Variants in DIP2B observed in about 807,000 individuals in gnomAD.
The protein encoded by DIP2B is DIP2 acetate--CoA ligase B (putative).
DIP2B carries 76 observed loss-of-function variants against 198.0 expected under a neutral mutation model. The ratio of observed to expected loss-of-function variants is 0.38; its 90% CI spans 0.32 to 0.46. The LOEUF (loss-of-function observed/expected upper bound fraction) is 0.46, where lower values mean the gene tolerates loss of function less well. Ranked by LOEUF, DIP2B falls within the 20% of genes least tolerant of loss-of-function variation. The pLI is 0.99. For missense variants in DIP2B, 1,559 were observed against 1,978.4 expected, an observed-to-expected ratio of 0.79 and a Z score of 4.02; for synonymous variants, 701 against 739.1, an observed-to-expected ratio of 0.95 and a Z score of 0.84.
intron 23 of DIP2B, among the ~76,000 whole-genome samples, chr12:50,715,921 G>A (rs188109815): frequency 6.2e-4 from 95 of 152,264 alleles, no homozygotes; most frequent in Non-Finnish European, 1.1e-3. Context: ...AAAATCAGAA[G>A]GCATATTTAC....
intron 3 of DIP2B, among the ~76,000 whole-genome samples, chr12:50,647,224 A>AT (rs2139494868): frequency 6.6e-6 from 1 of 151,932 alleles, no homozygotes; most frequent in South Asian, 2.1e-4. Flanking sequence ...TGATTTTTGT[A>AT]TTTTTTGTGG....
chr12:50,555,059 C>T (rs866023873), intron 1 of DIP2B, among the ~76,000 whole-genome samples: 2 of 152,108 alleles, frequency 1.3e-5, no homozygotes, highest in East Asian at 1.9e-4. Flanking sequence ...TGAGCCACCG[C>T]GCCTGGCTGA....
At chr12:50,711,703 G>A (rs182083755) in intron 22 of DIP2B, among the ~76,000 whole-genome samples, 1 of 151,992 alleles carries the variant, frequency 6.6e-6, no homozygotes, top group African/African-American at 2.4e-5. Context: ...CTGGGATTAC[G>A]GGCACTCGCC....
intron 1 of DIP2B, among the ~76,000 whole-genome samples, chr12:50,616,062 CTTTG>C (rs1937695555): frequency 6.6e-6 from 1 of 152,192 alleles, no homozygotes; most frequent in Non-Finnish European, 1.5e-5. Flanking sequence ...CAGTGTTTTA[CTTTG>C]TTGCTTTTTG....
At chr12:50,643,711 A>G (rs747639768) in intron 3 of DIP2B, among the ~76,000 whole-genome samples, 1 of 152,126 alleles carries the variant, frequency 6.6e-6, no homozygotes, top group Non-Finnish European at 1.5e-5. Flanking sequence ...TCTCCGAATA[A>G]GAAGAAATCA....
intron 20 of DIP2B, among the ~76,000 whole-genome samples, chr12:50,704,496 T>A (rs1939478763): frequency 2.0e-5 from 3 of 152,264 alleles, no homozygotes; most frequent in Admixed American, 2.0e-4. Context: ...TTTTAAGAAC[T>A]CTTTTCACTT....
intron 1 of DIP2B, among the ~76,000 whole-genome samples, chr12:50,529,293 A>G (rs1472624476): frequency 1.3e-5 from 2 of 152,190 alleles, no homozygotes; most frequent in East Asian, 1.9e-4. Context: ...CCCTGTCTCA[A>G]ACAAACAAAC....
At chr12:50,744,414 C>T (rs535633172) in intron 37 of DIP2B, among the ~76,000 whole-genome samples, 173 bp from the exon 38 acceptor site, 1 of 152,224 alleles carries the variant, frequency 6.6e-6, no homozygotes, top group South Asian at 2.1e-4. Flanking sequence ...TAATTTTTCC[C>T]TCAGTCTTAT....
At chr12:50,632,812 C>T (rs758403298) in intron 2 of DIP2B, among the ~76,000 whole-genome samples, 63 of 152,150 alleles carry the variant, frequency 4.1e-4, no homozygotes, top group Middle Eastern at 6.8e-3. Flanking sequence ...GCTGAGATTA[C>T]GCGTGAGCCA....
intron 1 of DIP2B, among the ~76,000 whole-genome samples, chr12:50,518,310 C>T (rs1444105675): frequency 6.6e-6 from 1 of 151,736 alleles, no homozygotes; most frequent in East Asian, 1.9e-4. Flanking sequence ...CTGCAAGCTC[C>T]GCCCCCTGGG....
chr12:50,645,105 A>G (rs1375070605), intron 3 of DIP2B, among the ~76,000 whole-genome samples: 1 of 152,240 alleles, frequency 6.6e-6, no homozygotes, highest in Admixed American at 6.5e-5. Flanking sequence ...TCAACTAAGT[A>G]AATTCCAAGG....
At chr12:50,724,998 T>C (rs1939905368) in intron 28 of DIP2B, 112 bp downstream of exon 28, 2 of 1,074,192 alleles carry the variant, frequency 1.9e-6, no homozygotes, top group Non-Finnish European at 2.8e-6. Context: ...TTCTGCCTGC[T>C]AAGACAGAGG....
chr12:50,534,864 C>G (rs963222302), intron 1 of DIP2B, among the ~76,000 whole-genome samples: 7 of 152,226 alleles, frequency 4.6e-5, no homozygotes, highest in Admixed American at 6.5e-5. Flanking sequence ...CTTCCTAGCT[C>G]TTAGTTCCTG....
At chr12:50,707,910 C>T (rs1165137757) in intron 21 of DIP2B, among the ~76,000 whole-genome samples, 2 of 152,174 alleles carry the variant, frequency 1.3e-5, no homozygotes, top group Non-Finnish European at 2.9e-5. Context: ...CCACTTTGCT[C>T]CAGGCACACT....
rs1938242133 is a variant in DIP2B, at chr12:50,640,789, T to G, written c.238T>G (p.Ser80Ala). The stretch of plus-strand genomic sequence containing the variant: ...ACCTGCTCCATCTGCAGCTCAAACT[T>G]CTGCTCCCTCTAAGTACCACCGAAC... ...QTPAPSAAQT[S>A]APSKYHRTRS... The change falls in exon 3 of 38, where the codon TCT (serine) becomes GCT (alanine). Residue 80 changes from serine (S) to alanine (A), a missense_variant. Coordinates refer to ENST00000301180, the MANE Select transcript of DIP2B (RefSeq NM_173602.3). 6 of 1,614,036 alleles carry G rather than the reference T, an allele frequency of 3.7e-6. No individual in the cohort carries two copies. The highest frequency in any genetic ancestry group is 3.4e-6 in the Non-Finnish European group (4 of 1,179,900).
At chr12:50,623,431 ACACACACTCTCTCT>A (rs756108884) in intron 1 of DIP2B, among the ~76,000 whole-genome samples, 30 of 51,738 alleles carry the variant, frequency 5.8e-4, no homozygotes, top group Admixed American at 1.9e-3. Flanking sequence ...ACACACACAC[ACACACACTCTCTCT>A]CTCTCTCTCT....
intron 4 of DIP2B, among the ~76,000 whole-genome samples, chr12:50,662,652 G>A (rs1377169590): frequency 2.0e-5 from 3 of 152,162 alleles, no homozygotes; most frequent in Admixed American, 6.5e-5. Context: ...CTAACCCAGC[G>A]ATGTGGAATA....
chr12:50,716,726 T>C (rs1939724462), intron 23 of DIP2B, among the ~76,000 whole-genome samples: 1 of 152,216 alleles, frequency 6.6e-6, no homozygotes. Flanking sequence ...ATTAATCCAG[T>C]ATAGCATCAG....
chr12:50,548,319 G>C (rs766933933), intron 1 of DIP2B, among the ~76,000 whole-genome samples: 1 of 152,076 alleles, frequency 6.6e-6, no homozygotes, highest in African/African-American at 2.4e-5. Flanking sequence ...CAGGAAAAGG[G>C]AGATAAGGAT....
Sources: gnomAD v4.1 joint callset for allele counts (sites outside exome capture counted in the v4.1 genomes callset) on GRCh38, gnomAD v4.1.1 for gene constraint, MANE v1.5 for transcripts, NCBI Gene and HGNC (gene_info 2026-07-23, HGNC 2026-07-21) for gene names.